VWF: variants seen among roughly 807,000 people sequenced by gnomAD.
VWF encodes the protein Factor VIII related antigen.
A neutral mutation model predicts 308.6 loss-of-function variants in VWF; 176 were observed. The ratio of observed to expected loss-of-function variants is 0.57; its 90% CI spans 0.50 to 0.65. VWF has a LOEUF of 0.65. Among genes scored for constraint, VWF ranks in the 30% least tolerant of loss-of-function variants. The probability of loss-of-function intolerance (pLI) is 0.00; values close to 1 mark genes in which losing one functional copy is unlikely to be tolerated. For synonymous variants in VWF, 1,385 were observed against 1,443.4 expected (o/e 0.96, Z 0.92); for missense variants, 3,146 against 3,648.2 (o/e 0.86, Z 3.55).
chr12:5,985,746 G>T, intron 38 of VWF, 81 bp from the exon 39 acceptor site: 2 of 1,361,476 alleles, frequency 1.5e-6, no homozygotes, highest in Non-Finnish European at 1.0e-6. Context: ...AGCTCTCCCT[G>T]CCTCCGGCAA....
chr12:6,016,645 T>G lies in VWF; in HGVS notation c.5182A>C (p.Thr1728Pro). The G allele has an allele frequency of 1.2e-6, 2 of 1,614,086 alleles. No individual in the cohort carries two copies. The highest frequency in any genetic ancestry group is 8.5e-7 in the Non-Finnish European group (1 of 1,180,022). The part of the protein sequence containing the change: ...ISKANIGPRL[T>P]QVSVLQYGSI... ...CCATACTGCAGCACTGACACCTGAG[T>G]GAGACGAGGCCCTAAACGGAACGAG... The change falls in exon 30 of 52, where the codon ACT (threonine) becomes CCT (proline). Residue 1728 changes from threonine (T) to proline (P), a missense_variant. Transcript: ENST00000261405.
In VWF at chr12:6,016,202, A is replaced by G. The variant is rs1335985416; in HGVS notation, c.5342T>C (p.Leu1781Ser). ...CCTGGCACCATGCATTTCTGAAGTCAAGTATCGCACAGCAAAGCCCAAGGC... is the reference window on the plus strand; with the variant it reads ...CCTGGCACCATGCATTTCTGAAGTCGAGTATCGCACAGCAAAGCCCAAGGC... The part of the protein sequence containing the change: ...GDALGFAVRY[L>S]TSEMHGARPG... The change falls in exon 31 of 52, where the codon TTG becomes TCG. Residue 1781 changes from leucine to serine, a missense_variant. Leu to Ser is a moderately radical substitution (Grantham distance 145, BLOSUM62 -2). Around this residue, in one of 3 missense-constraint regions of VWF, gnomAD observed 853 missense variants for 1,177.8 expected, o/e 0.72. Coordinates refer to ENST00000261405, the MANE Select transcript of VWF (RefSeq NM_000552.5). 6.2e-6 allele frequency: 10 copies of G among 1,614,090 alleles called. No homozygotes were observed. Among genetic ancestry groups the G allele is most frequent in the Non-Finnish European group, 8.5e-6 (10 of 1,180,038 alleles).
intron 5 of VWF, among the ~76,000 whole-genome samples, chr12:6,104,176 G>A (rs1945214429): frequency 6.6e-6 from 1 of 151,934 alleles, no homozygotes; most frequent in Admixed American, 6.6e-5. Flanking sequence ...TGAAAAAAAT[G>A]GTCAACATAA....
rs754367354 is a variant in VWF at position 6,052,760 on chromosome 12, C to G, written c.1969G>C (p.Val657Leu). 6.2e-7 allele frequency: 1 copy of G among 1,612,282 alleles called. No homozygotes were observed. Among genetic ancestry groups the G allele is most frequent in the Non-Finnish European group, 8.5e-7 (1 of 1,179,526 alleles). ...CAGGGGGTCCCGCACTGCAGGTACA[C>G]CTGGCCTTTCGGGCAGTTCAGCTCT... Reference protein sequence around the residue: ...RCELNCPKGQVYLQCGTPCNL... With the variant: ...RCELNCPKGQLYLQCGTPCNL... The change falls in exon 16 of 52, where the codon GTG (valine) becomes CTG (leucine). Residue 657 changes from valine (V) to leucine (L), a missense_variant. By Grantham distance (32) the Val-to-Leu change is conservative (BLOSUM62 1). Coordinates refer to ENST00000261405, the MANE Select transcript of VWF (RefSeq NM_000552.5).
chr12:5,975,612 G>A (rs564629375), intron 43 of VWF, among the ~76,000 whole-genome samples: 3 of 152,296 alleles, frequency 2.0e-5, no homozygotes, highest in South Asian at 2.1e-4. Context: ...AAACAAGGAC[G>A]ATCCTAGAAA....
chr12:6,118,566 T>C (rs1945394628), intron 3 of VWF, among the ~76,000 whole-genome samples: 1 of 151,872 alleles, frequency 6.6e-6, no homozygotes, highest in South Asian at 2.1e-4. Flanking sequence ...TTTGTATTTT[T>C]AGTAGTGACG....
At chr12:5,997,561 T>C (rs1301180829) in intron 34 of VWF, among the ~76,000 whole-genome samples, 1 of 152,230 alleles carries the variant, frequency 6.6e-6, no homozygotes, top group Non-Finnish European at 1.5e-5. Flanking sequence ...CTCTGCATAA[T>C]AGGCCTATAA....
rs781534139 is a variant in VWF at position 5,981,903 on chromosome 12, A to G, written c.7170T>C (p.Asp2390=). 59 of 1,613,508 alleles carry G rather than the reference A, an allele frequency of 3.7e-5. No individual in the cohort carries two copies. The highest frequency in any genetic ancestry group is 6.7e-5 in the East Asian group (3 of 44,862). Residue 2390 remains aspartate (D), a synonymous_variant, in exon 42 of 52, where the codon GAT becomes GAC. Transcript: ENST00000261405. ...LPTLRKTQCC[D]EYECACNCVN... is the part of the protein sequence containing the mutation. The stretch of plus-strand genomic sequence containing the variant: ...CACAGTTGCAGGCACACTCATACTC[A>G]TCACAGCACTGGGTCTTCCGAAGGG...
At chr12:5,955,452 G>C (rs917351995) in intron 47 of VWF, among the ~76,000 whole-genome samples, 2 of 151,442 alleles carry the variant, frequency 1.3e-5, no homozygotes, top group Non-Finnish European at 2.9e-5. Flanking sequence ...CCATCTATGA[G>C]TGAGAACATG....
At chr12:6,037,900 G>C (rs1281637542) in intron 18 of VWF, among the ~76,000 whole-genome samples, 1 of 152,214 alleles carries the variant, frequency 6.6e-6, no homozygotes, top group Admixed American at 6.5e-5. Context: ...GAGCATGTGT[G>C]TGTTGGGGCG....
chr12:6,055,533 C>T (rs1355904019), intron 15 of VWF, among the ~76,000 whole-genome samples: 1 of 152,086 alleles, frequency 6.6e-6, no homozygotes. Context: ...GAGGGCACAA[C>T]GGCTGCATTA....
intron 34 of VWF, among the ~76,000 whole-genome samples, chr12:6,000,902 T>G (rs911015039): frequency 2.0e-5 from 3 of 151,170 alleles, no homozygotes; most frequent in Non-Finnish European, 4.4e-5. Flanking sequence ...ACAACTAAAG[T>G]GAGCATTTTT....
chr12:6,016,349 C>T, intron 30 of VWF, 117 bp from the exon 31 acceptor site: 1 of 1,529,604 alleles, frequency 6.5e-7, no homozygotes, highest in Non-Finnish European at 9.0e-7. Context: ...CCAAGGAACA[C>T]CCAGTTGAGA....
chr12:5,949,638 C>T, intron 51 of VWF, 148 bp downstream of exon 51: 1 of 859,646 alleles, frequency 1.2e-6, no homozygotes, highest in Non-Finnish European at 1.8e-6. Flanking sequence ...TTCAATAAAA[C>T]ATTTGCTTAA....
intron 10 of VWF, among the ~76,000 whole-genome samples, chr12:6,065,550 C>T (rs1344264078): frequency 1.3e-5 from 2 of 152,218 alleles, no homozygotes; most frequent in South Asian, 2.1e-4. Flanking sequence ...GGTGGAACCA[C>T]GCAGGAACCC....
intron 6 of VWF, among the ~76,000 whole-genome samples, chr12:6,094,856 G>A (rs1336217594): frequency 1.3e-5 from 2 of 149,856 alleles, no homozygotes; most frequent in Non-Finnish European, 3.0e-5. Context: ...GGGATTATAG[G>A]CACATGCCAC....
intron 40 of VWF, among the ~76,000 whole-genome samples, chr12:5,984,343 C>T (rs1402853129): frequency 6.6e-6 from 1 of 152,252 alleles, no homozygotes; most frequent in Non-Finnish European, 1.5e-5. Context: ...CCCTCCCCTA[C>T]AGGACTTCTA....
chr12:6,088,215 A>G (rs1422020347), intron 6 of VWF, among the ~76,000 whole-genome samples: 1 of 150,126 alleles, frequency 6.7e-6, no homozygotes, highest in East Asian at 2.0e-4. Context: ...GCGGTGGCTC[A>G]CGCCTGTAAT....
At chr12:6,110,728 G>A (rs1431341367) in intron 4 of VWF, 138 bp downstream of exon 4, 1 of 1,277,800 alleles carries the variant, frequency 7.8e-7, no homozygotes, top group African/African-American at 1.5e-5. Flanking sequence ...GGGAGAGCTG[G>A]CTCTCACCCA....
Sources: allele counts gnomAD v4.1 joint callset (sites outside exome capture counted in the v4.1 genomes callset), GRCh38; gene constraint gnomAD v4.1.1; regional missense constraint gnomAD v4.1.1; transcripts MANE v1.5; gene names NCBI Gene and HGNC (gene_info 2026-07-23, HGNC 2026-07-21).